The following LSAMP variants were observed in gnomAD, a reference collection of about 807,000 sequenced individuals.
LSAMP encodes limbic system-associated membrane protein.
In LSAMP, 7 loss-of-function variants were observed where a neutral mutation model predicts 38.6. The observed-to-expected ratio is 0.18, with a 90% CI of 0.10 to 0.34. LSAMP has a LOEUF of 0.34. Ranked by LOEUF, LSAMP falls within the 10% of genes least tolerant of loss-of-function variation. The probability of loss-of-function intolerance (pLI) is 1.00; values close to 1 mark genes in which losing one functional copy is unlikely to be tolerated. For missense variants in LSAMP, 313 were observed against 420.0 expected (o/e 0.75, Z 2.23); for synonymous variants, 154 against 166.8 (o/e 0.92, Z 0.59).
At chr3:116,069,917 T>C (rs1707559664) in intron 2 of LSAMP, among the ~76,000 whole-genome samples, 1 of 152,064 alleles carries the variant, frequency 6.6e-6, no homozygotes, top group Non-Finnish European at 1.5e-5. Flanking sequence ...CCATTAAAGA[T>C]GAAGTCATCA....
Position 115,810,221 on chromosome 3 carries a change from A to G in LSAMP, c.*96T>C. 2 of 648,416 alleles carry G rather than the reference A, an allele frequency of 3.1e-6. No individual in the cohort carries two copies. Among genetic ancestry groups the G allele is most frequent in the South Asian group, 2.2e-5 (1 of 44,470 alleles). 40.2% of individuals were successfully genotyped at this position (648,416 alleles called of 1,614,324 possible). A position where few individuals can be genotyped will look rare whatever the true frequency, so the allele number is the denominator to read the frequency against. ...AGTTGTGAAATAAACGGTCTCCCCCATCTCTCTCTCTCTCTCTCTCTCTGT... is the reference window on the plus strand; with the variant it reads ...AGTTGTGAAATAAACGGTCTCCCCCGTCTCTCTCTCTCTCTCTCTCTCTGT... On this transcript the variant is annotated 3_prime_UTR_variant, in exon 7 of 7. Coordinates refer to ENST00000490035, the MANE Select transcript of LSAMP (RefSeq NM_002338.5).
At chr3:116,168,848 C>T (rs1040565295) in intron 1 of LSAMP, among the ~76,000 whole-genome samples, 1 of 152,270 alleles carries the variant, frequency 6.6e-6, no homozygotes, top group South Asian at 2.1e-4. Flanking sequence ...TTTCTAAACA[C>T]TAAATCTAAC....
chr3:116,290,378 C>A (rs2047248150), intron 1 of LSAMP, among the ~76,000 whole-genome samples: 1 of 152,042 alleles, frequency 6.6e-6, no homozygotes, highest in South Asian at 2.1e-4. Flanking sequence ...AAATTGAAAT[C>A]TGTAAGTTGA....
At chr3:116,410,584 A>T (rs1375103631) in intron 1 of LSAMP, among the ~76,000 whole-genome samples, 1 of 152,044 alleles carries the variant, frequency 6.6e-6, no homozygotes, top group Non-Finnish European at 1.5e-5. Context: ...TTCTTACGAA[A>T]ACTTTTCATA....
At chr3:115,815,663 C>T (rs1229835467) in intron 6 of LSAMP, among the ~76,000 whole-genome samples, 1 of 152,106 alleles carries the variant, frequency 6.6e-6, no homozygotes, top group African/African-American at 2.4e-5. Flanking sequence ...CTTATTTTTT[C>T]AACCACATAT....
intron 1 of LSAMP, among the ~76,000 whole-genome samples, chr3:116,379,032 C>G (rs191053767): frequency 6.9e-6 from 1 of 143,904 alleles, no homozygotes; most frequent in Non-Finnish European, 1.5e-5. Flanking sequence ...CACACACACA[C>G]ACGAGTCCTA....
intron 1 of LSAMP, among the ~76,000 whole-genome samples, chr3:116,341,948 G>C (rs941709515): frequency 1.7e-4 from 26 of 151,972 alleles, no homozygotes; most frequent in Non-Finnish European, 1.0e-4. Context: ...TAACAGGGCT[G>C]GGGTAGCACT....
intron 1 of LSAMP, among the ~76,000 whole-genome samples, chr3:116,269,558 ATTCTG>A (rs2046942152): frequency 1.3e-5 from 2 of 151,776 alleles, no homozygotes; most frequent in African/African-American, 4.9e-5. Flanking sequence ...TCTTTACGTA[ATTCTG>A]TTCTATATTC....
chr3:116,259,767 A>G (rs963059081), intron 1 of LSAMP, among the ~76,000 whole-genome samples: 1 of 152,100 alleles, frequency 6.6e-6, no homozygotes, highest in African/African-American at 2.4e-5. Flanking sequence ...TACTTTTGAT[A>G]AGAAAAAGTC....
At chr3:116,385,161 T>G (rs1369498199) in intron 1 of LSAMP, among the ~76,000 whole-genome samples, 1 of 151,636 alleles carries the variant, frequency 6.6e-6, no homozygotes, top group African/African-American at 2.4e-5. Flanking sequence ...TATGTTTATA[T>G]GACTCTTTCC....
intron 3 of LSAMP, among the ~76,000 whole-genome samples, chr3:115,876,667 C>A (rs1225768979): frequency 6.6e-6 from 1 of 152,046 alleles, no homozygotes; most frequent in Non-Finnish European, 1.5e-5. Flanking sequence ...CCTCATCCAG[C>A]GCTTTCTAGT....
intron 1 of LSAMP, among the ~76,000 whole-genome samples, chr3:116,207,458 T>A (rs1364720724): frequency 6.7e-6 from 1 of 150,076 alleles, no homozygotes; most frequent in Non-Finnish European, 1.5e-5. Context: ...TGATGTTAGC[T>A]GGTGATTTTG....
At chr3:116,287,703 A>G (rs143736358) in intron 1 of LSAMP, among the ~76,000 whole-genome samples, 1 of 152,278 alleles carries the variant, frequency 6.6e-6, no homozygotes, top group African/African-American at 2.4e-5. Flanking sequence ...ACCAAAATAA[A>G]TGGCCATTTA....
intron 2 of LSAMP, among the ~76,000 whole-genome samples, chr3:116,047,044 C>T (rs1441221902): frequency 2.0e-5 from 3 of 152,152 alleles, no homozygotes; most frequent in Non-Finnish European, 2.9e-5. Context: ...CAGCCATGCT[C>T]AGATACTTAA....
At chr3:115,978,824 A>G (rs1277792451) in intron 3 of LSAMP, among the ~76,000 whole-genome samples, 1 of 152,144 alleles carries the variant, frequency 6.6e-6, no homozygotes, top group Admixed American at 6.6e-5. Context: ...CTACCATGAT[A>G]AAAGGAGAAT....
At chr3:115,981,539 C>T (rs1218582743) in intron 3 of LSAMP, among the ~76,000 whole-genome samples, 1 of 152,000 alleles carries the variant, frequency 6.6e-6, no homozygotes, top group Non-Finnish European at 1.5e-5. Flanking sequence ...TATTACATAC[C>T]TGAATGCTGC....
chr3:115,856,693 G>GT (rs955686970), intron 3 of LSAMP, among the ~76,000 whole-genome samples: 1 of 151,922 alleles, frequency 6.6e-6, no homozygotes, highest in Non-Finnish European at 1.5e-5. Context: ...AGGACACAGA[G>GT]AAAAGAGAGC....
intron 1 of LSAMP, among the ~76,000 whole-genome samples, chr3:116,429,732 G>A (rs534044751): frequency 1.6e-4 from 25 of 152,228 alleles, no homozygotes; most frequent in African/African-American, 6.0e-4. Context: ...AATTGCAGAG[G>A]GTCAAGGCCT....
intron 1 of LSAMP, among the ~76,000 whole-genome samples, chr3:116,346,722 C>T (rs1005270947): frequency 6.6e-6 from 1 of 152,104 alleles, no homozygotes; most frequent in Non-Finnish European, 1.5e-5. Context: ...CTGTATGTGT[C>T]GACACATGTC....
Sources: gnomAD v4.1 joint callset for allele counts (sites outside exome capture counted in the v4.1 genomes callset) on GRCh38, gnomAD v4.1.1 for gene constraint, MANE v1.5 for transcripts, NCBI Gene and HGNC (gene_info 2026-07-23, HGNC 2026-07-21) for gene names.